NARS2: variants seen among roughly 807,000 people sequenced by gnomAD.
NARS2 encodes asparaginyl-tRNA synthetase.
A neutral mutation model predicts 62.9 loss-of-function variants in NARS2; 60 were observed. The observed-to-expected ratio is 0.95, with a 90% CI of 0.77 to 1.18. The LOEUF is 1.18. NARS2 is among the 50% of genes most tolerant of loss of function. NARS2 has a pLI of 0.00. For missense variants in NARS2, 619 were observed against 576.4 expected (o/e 1.07, Z -0.76); for synonymous variants, 196 against 200.0 (o/e 0.98, Z 0.17).
chr11:78,573,195 T>TACCAA (rs1208789005), intron 1 of NARS2: 3 of 152,224 alleles, frequency 2.0e-5, no homozygotes. Context: ...GCCATGACTG[T>TACCAA]GTCAGTACAA....
At chr11:78,478,507 A>G (rs1460694664) in intron 8 of NARS2, 32 bp from the exon 9 acceptor site, 1 of 1,237,432 alleles carries the variant, frequency 8.1e-7, no homozygotes, top group Non-Finnish European at 1.1e-6. Flanking sequence ...AAAATTTTAA[A>G]AATATAATTT....
chr11:78,572,911 A>G (rs1415997056), intron 1 of NARS2, among the ~76,000 whole-genome samples: 1 of 152,184 alleles, frequency 6.6e-6, no homozygotes, highest in Non-Finnish European at 1.5e-5. Context: ...CTCAATTTGG[A>G]CCAGACAAAG....
In NARS2 at chr11:78,443,754, G is replaced by T; in HGVS notation, c.1169C>A (p.Ala390Asp). The T allele has an allele frequency of 6.2e-7, 1 of 1,607,158 alleles. No individual in the cohort carries two copies. The highest frequency in any genetic ancestry group is 2.2e-5 in the East Asian group (1 of 44,786). The change falls in exon 12 of 14, where the codon GCT (alanine) becomes GAT (aspartate). Residue 390 changes from alanine (A) to aspartate (D), a missense_variant. Physicochemically the swap from Ala to Asp is moderately radical, Grantham distance 126. Coordinates refer to ENST00000281038, the MANE Select transcript of NARS2 (RefSeq NM_024678.6). ...TCCAGGAACCAGAAGATCAACAGCA[G>T]CAACCTAAGGAAAAAAAAAAAATTA... ...DNEDGPQHTVAAVDLLVPGVG... is the reference protein window; with the variant it reads ...DNEDGPQHTVDAVDLLVPGVG...
intron 5 of NARS2, among the ~76,000 whole-genome samples, chr11:78,548,564 T>G (rs1278770369): frequency 6.6e-6 from 1 of 152,212 alleles, no homozygotes; most frequent in Non-Finnish European, 1.5e-5. Context: ...CTGCACACTG[T>G]TTTACCTATT....
chr11:78,441,195 T>C, intron 12 of NARS2, 78 bp from the exon 13 acceptor site: 2 of 1,330,294 alleles, frequency 1.5e-6, no homozygotes, highest in South Asian at 2.6e-5. Flanking sequence ...ATTCTGGGTG[T>C]GTGCAAAGAA....
intron 3 of NARS2, among the ~76,000 whole-genome samples, chr11:78,567,747 A>G (rs1042458617): frequency 2.6e-5 from 4 of 152,166 alleles, no homozygotes; most frequent in Non-Finnish European, 5.9e-5. Context: ...TTCCTATTAT[A>G]CTGAAAGAAT....
intron 6 of NARS2, among the ~76,000 whole-genome samples, chr11:78,516,766 T>C (rs934291070): frequency 6.6e-6 from 1 of 152,228 alleles, no homozygotes; most frequent in Non-Finnish European, 1.5e-5. Context: ...TATTTTCTGA[T>C]AAATAGAATT....
chr11:78,496,384 T>G (rs867721003), intron 6 of NARS2, among the ~76,000 whole-genome samples: 1 of 152,176 alleles, frequency 6.6e-6, no homozygotes, highest in Non-Finnish European at 1.5e-5. Context: ...AATCCCTTCA[T>G]AGTTAACTCA....
At chr11:78,548,162 C>T (rs1443131262) in intron 5 of NARS2, among the ~76,000 whole-genome samples, 1 of 152,024 alleles carries the variant, frequency 6.6e-6, no homozygotes, top group Non-Finnish European at 1.5e-5. Context: ...TTGCACTGAG[C>T]GATGACAGTG....
At chr11:78,551,924 C>T (rs1289093270) in intron 5 of NARS2, among the ~76,000 whole-genome samples, 1 of 152,040 alleles carries the variant, frequency 6.6e-6, no homozygotes, top group Non-Finnish European at 1.5e-5. Context: ...TAAAGCTATC[C>T]AACTTTATTT....
At chr11:78,454,779 C>T (rs1164179121) in intron 11 of NARS2, among the ~76,000 whole-genome samples, 2 of 152,046 alleles carry the variant, frequency 1.3e-5, no homozygotes, top group African/African-American at 4.8e-5. Flanking sequence ...CCACTACGCT[C>T]AGCTAATTTT....
chr11:78,504,434 GTT>G (rs758781275), intron 6 of NARS2, among the ~76,000 whole-genome samples: 5,965 of 61,406 alleles, frequency 0.097, 374 homozygotes, highest in African/African-American at 0.2. Flanking sequence ...CAAAACACCA[GTT>G]TTTTTTTTTT....
At chr11:78,563,215 ATTTT>A (rs71046983) in intron 4 of NARS2, among the ~76,000 whole-genome samples, 32 of 115,718 alleles carry the variant, frequency 2.8e-4, no homozygotes, top group African/African-American at 9.1e-4. Context: ...AACCACTTGA[ATTTT>A]TTTTTTTTTT....
intron 5 of NARS2, chr11:78,558,664 T>C (rs932697017): frequency 1.3e-5 from 2 of 152,142 alleles, no homozygotes; most frequent in Non-Finnish European, 2.9e-5. Context: ...GAAAAACTGA[T>C]AACTTAAAAA....
intron 6 of NARS2, among the ~76,000 whole-genome samples, chr11:78,525,247 G>C (rs1002467695): frequency 1.4e-4 from 21 of 152,208 alleles, no homozygotes; most frequent in African/African-American, 5.1e-4. Context: ...ATAGAATGCA[G>C]ACAACTAGGA....
chr11:78,454,641 T>C (rs1173936533), intron 11 of NARS2, among the ~76,000 whole-genome samples: 1 of 151,028 alleles, frequency 6.6e-6, no homozygotes, highest in African/African-American at 2.5e-5. Context: ...TTTTTTTTAA[T>C]GTAGCCTCAT....
At chr11:78,510,207 T>C (rs1041911730) in intron 6 of NARS2, among the ~76,000 whole-genome samples, 1 of 152,148 alleles carries the variant, frequency 6.6e-6, no homozygotes, top group Non-Finnish European at 1.5e-5. Context: ...TTTTTTAAAA[T>C]GACCCAATTA....
chr11:78,437,821 G>A (rs1857454389), intron 13 of NARS2, among the ~76,000 whole-genome samples: 1 of 151,654 alleles, frequency 6.6e-6, no homozygotes, highest in African/African-American at 2.4e-5. Context: ...CTAAAAATAG[G>A]AAAATTAGCC....
intron 13 of NARS2, among the ~76,000 whole-genome samples, chr11:78,440,138 A>G (rs769917853): frequency 2.6e-5 from 4 of 152,202 alleles, no homozygotes; most frequent in Non-Finnish European, 5.9e-5. Flanking sequence ...ATCTTGGCTC[A>G]TTGTAACCTC....
Sources: allele counts gnomAD v4.1 joint callset (sites outside exome capture counted in the v4.1 genomes callset), GRCh38; gene constraint gnomAD v4.1.1; transcripts MANE v1.5; gene names NCBI Gene and HGNC (gene_info 2026-07-23, HGNC 2026-07-21).